Variants in MARCHF3 observed in about 807,000 individuals in gnomAD.
The protein encoded by MARCHF3 is membrane associated ring-CH-type finger 3, also known as E3 ubiquitin-protein ligase MARCHF3.
MARCHF3 carries 13 observed loss-of-function variants against 24.2 expected under a neutral mutation model. That is an observed-to-expected ratio of 0.54 (90% CI 0.35 to 0.85). MARCHF3 has a LOEUF of 0.85. Among genes scored for constraint, MARCHF3 ranks in the 40% least tolerant of loss-of-function variants. MARCHF3 has a pLI of 0.01. For missense variants in MARCHF3, 276 were observed against 325.0 expected (o/e 0.85, Z 1.16); for synonymous variants, 144 against 137.3 (o/e 1.05, Z -0.34).
chr5:126,917,824 G>A (rs748567817), intron 2 of MARCHF3, among the ~76,000 whole-genome samples, 160 bp downstream of exon 2: 1 of 151,202 alleles, frequency 6.6e-6, no homozygotes. Flanking sequence ...TATAGAAACG[G>A]CAATAACAGA....
At chr5:126,966,657 AAAAT>A (rs1750821961) in intron 1 of MARCHF3, among the ~76,000 whole-genome samples, 1 of 152,058 alleles carries the variant, frequency 6.6e-6, no homozygotes, top group Non-Finnish European at 1.5e-5. Flanking sequence ...GCTATCTTCT[AAAAT>A]AAATATTTAC....
intron 1 of MARCHF3, among the ~76,000 whole-genome samples, chr5:126,925,675 C>A (rs73783497): frequency 2.0e-5 from 3 of 152,174 alleles, no homozygotes; most frequent in Non-Finnish European, 4.4e-5. Flanking sequence ...CTCCTACACA[C>A]GGAGCCCCAC....
At chr5:126,972,610 C>T (rs1751056311) in intron 1 of MARCHF3, among the ~76,000 whole-genome samples, 1 of 152,170 alleles carries the variant, frequency 6.6e-6, no homozygotes, top group Non-Finnish European at 1.5e-5. Flanking sequence ...ATTCCTCTAT[C>T]AGCATATTCC....
intron 1 of MARCHF3, among the ~76,000 whole-genome samples, chr5:126,962,099 G>T (rs1750657066): frequency 6.6e-6 from 1 of 152,152 alleles, no homozygotes; most frequent in African/African-American, 2.4e-5. Context: ...AGCATCATGT[G>T]AAGAAACAAA....
intron 1 of MARCHF3, among the ~76,000 whole-genome samples, chr5:126,939,217 C>T (rs1056725381): frequency 2.0e-5 from 3 of 152,178 alleles, no homozygotes; most frequent in African/African-American, 4.8e-5. Flanking sequence ...GACAACCCCA[C>T]CCCCTTGAGT....
chr5:126,963,461 A>G (rs1262829618), intron 1 of MARCHF3, among the ~76,000 whole-genome samples: 1 of 152,200 alleles, frequency 6.6e-6, no homozygotes, highest in African/African-American at 2.4e-5. Flanking sequence ...AAAAATCATT[A>G]AAACGTTAGT....
At chr5:126,936,607 T>C (rs192728520) in intron 1 of MARCHF3, among the ~76,000 whole-genome samples, 2 of 152,234 alleles carry the variant, frequency 1.3e-5, no homozygotes, top group Non-Finnish European at 2.9e-5. Flanking sequence ...TTTACTTTCA[T>C]TGTTTCTGCT....
intron 1 of MARCHF3, among the ~76,000 whole-genome samples, chr5:126,978,958 C>G (rs186434691): frequency 1.1e-4 from 17 of 152,298 alleles, no homozygotes; most frequent in Non-Finnish European, 2.1e-4. Flanking sequence ...TGTCAAGAAC[C>G]TTGGATTTAG....
At chr5:126,973,601 T>A (rs1382081298) in intron 1 of MARCHF3, among the ~76,000 whole-genome samples, 1 of 152,218 alleles carries the variant, frequency 6.6e-6, no homozygotes, top group Non-Finnish European at 1.5e-5. Flanking sequence ...GGGGCAATGA[T>A]CCTCAACTCT....
chr5:126,926,266 A>G (rs1749294754), intron 1 of MARCHF3, among the ~76,000 whole-genome samples: 1 of 152,154 alleles, frequency 6.6e-6, no homozygotes, highest in Non-Finnish European at 1.5e-5. Context: ...CACCCAGACT[A>G]CAGGGAGGCT....
At chr5:126,871,173 GGT>G (rs1357947404) in intron 4 of MARCHF3, among the ~76,000 whole-genome samples, 1 of 152,184 alleles carries the variant, frequency 6.6e-6, no homozygotes, top group East Asian at 1.9e-4. Flanking sequence ...CAGGTGCCTA[GGT>G]TCTTCTCTGT....
intron 1 of MARCHF3, among the ~76,000 whole-genome samples, chr5:126,946,538 A>C (rs1750016350): frequency 6.6e-6 from 1 of 152,160 alleles, no homozygotes; most frequent in East Asian, 1.9e-4. Flanking sequence ...CCTTGCTTTA[A>C]CATGACATTG....
intron 1 of MARCHF3, among the ~76,000 whole-genome samples, chr5:126,929,621 G>A (rs1171274881): frequency 2.0e-5 from 3 of 152,190 alleles, no homozygotes; most frequent in Non-Finnish European, 4.4e-5. Flanking sequence ...ATGATAGCCA[G>A]TCTTCAGAGT....
chr5:126,925,711 G>A (rs1026204875), intron 1 of MARCHF3, among the ~76,000 whole-genome samples: 1 of 152,192 alleles, frequency 6.6e-6, no homozygotes, highest in African/African-American at 2.4e-5. Flanking sequence ...GGGTTGCACA[G>A]ATGAGTTCTG....
intron 1 of MARCHF3, among the ~76,000 whole-genome samples, chr5:126,946,761 G>GGTGTGTGTGTGTGTGTGTGTGTGTGT (rs58269583): frequency 7.4e-6 from 1 of 135,946 alleles, no homozygotes. Flanking sequence ...TGTAAGTAGG[G>GGTGTGTGTGTGTGTGTGTGTGTGTGT]GTGTGTGTGT....
intron 3 of MARCHF3, among the ~76,000 whole-genome samples, chr5:126,902,505 A>C (rs370653721): frequency 3.3e-5 from 5 of 152,048 alleles, no homozygotes; most frequent in African/African-American, 1.2e-4. Context: ...AAAATAACAG[A>C]ATCTGGTTAT....
At chr5:126,925,521 T>A (rs182605456) in intron 1 of MARCHF3, among the ~76,000 whole-genome samples, 1 of 152,222 alleles carries the variant, frequency 6.6e-6, no homozygotes, top group Non-Finnish European at 1.5e-5. Flanking sequence ...GAAGTACTTA[T>A]GAAATTAATT....
At chr5:127,018,502 T>C (rs74337036) in intron 1 of MARCHF3, among the ~76,000 whole-genome samples, 1,524 of 151,982 alleles carry the variant, frequency 0.01, 19 homozygotes, top group African/African-American at 0.035. Flanking sequence ...TGAGATGGGG[T>C]AGTCCTGGGA....
At chr5:126,953,916 TAGG>T (rs1345896168) in intron 1 of MARCHF3, among the ~76,000 whole-genome samples, 3 of 152,356 alleles carry the variant, frequency 2.0e-5, no homozygotes, top group Non-Finnish European at 2.9e-5. Flanking sequence ...TTCAATGGTC[TAGG>T]AGATTTACTT....
Sources: gnomAD v4.1 joint callset for allele counts (sites outside exome capture counted in the v4.1 genomes callset) on GRCh38, gnomAD v4.1.1 for gene constraint, MANE v1.5 for transcripts, NCBI Gene and HGNC (gene_info 2026-07-23, HGNC 2026-07-21) for gene names.